GPAA1: variants seen among roughly 807,000 people sequenced by gnomAD.
GPAA1 encodes GPI-anchor transamidase component GPAA1.
GPAA1 carries 54 observed loss-of-function variants against 64.0 expected under a neutral mutation model. The observed-to-expected ratio is 0.84, with a 90% CI of 0.68 to 1.06. The LOEUF (loss-of-function observed/expected upper bound fraction) is 1.06, where lower values mean the gene tolerates loss of function less well. Among genes scored for constraint, GPAA1 ranks in the 50% least tolerant of loss-of-function variants. The probability of loss-of-function intolerance (pLI) is 0.00; values close to 1 mark genes in which losing one functional copy is unlikely to be tolerated. For synonymous variants in GPAA1, 393 were observed against 377.3 expected (o/e 1.04, Z -0.48); for missense variants, 780 against 822.3 (o/e 0.95, Z 0.63).
At position 144,085,307 on chromosome 8, in the gene GPAA1, C is replaced by T. The variant is rs1835978667; in HGVS notation, c.1279C>T (p.Leu427Phe). ...PPSQGVGLAS[L>F]VAPLLISQAM... ...CCTGCAGGGTGTGGGGCTGGCCTCG[C>T]TCGTGGCACCTCTGCTGATCTCACA... The change falls in exon 10 of 12, where the codon CTC becomes TTC. Residue 427 changes from leucine (L) to phenylalanine (F), a missense_variant. Transcript: ENST00000355091. 3 of 1,605,974 alleles carry T rather than the reference C, an allele frequency of 1.9e-6. No individual in the cohort carries two copies. The highest frequency in any genetic ancestry group is 8.5e-7 in the Non-Finnish European group (1 of 1,176,210).
chr8:144,086,184 G>A lies in GPAA1; in HGVS notation c.*59G>A. The A allele has an allele frequency of 6.4e-7, 1 of 1,559,872 alleles. No individual in the cohort carries two copies. The stretch of plus-strand genomic sequence containing the variant: ...CAAGGACCCCATTCTGCCTCCTTCT[G>A]GGGAAATAAATGAGTGTCTGTTTCA... On this transcript the variant is annotated 3_prime_UTR_variant, in exon 12 of 12. Transcript: ENST00000355091.
In GPAA1 at chr8:144,082,808, A is replaced by G. The variant is rs1205598581; in HGVS notation, c.74+4A>G. 10 of 1,448,892 alleles carry G rather than the reference A, an allele frequency of 6.9e-6. No individual in the cohort carries two copies. The highest frequency in any genetic ancestry group is 9.0e-6 in the Non-Finnish European group (10 of 1,107,382). The allele number at this position is 1,448,892 out of a possible 1,614,324, so 89.8% of individuals were successfully genotyped here. On this transcript the variant is annotated splice_donor_region_variant and intron_variant, in intron 1 of 11. Coordinates refer to ENST00000355091, the MANE Select transcript of GPAA1 (RefSeq NM_003801.4). ...TGCGCCTCAACGCGCCGTTGTGGTG[A>G]GGACAGGGCCCGGGGAGGCGGGGAC... is the stretch of plus-strand genomic sequence containing the variant.
In GPAA1 at chr8:144,084,048, C is replaced by A. The variant is rs1459579536; in HGVS notation, c.616+8C>A. 6.2e-7 allele frequency: 1 copy of A among 1,609,630 alleles called. No individual in the cohort carries two copies. The highest frequency in any genetic ancestry group is 1.7e-5 in the Admixed American group (1 of 60,002). Reference sequence around the variant, plus strand: ...ACGATGTCAATGTCACTGGTAGGTTCTCTTGTCCTGCCTGCCCTGGTCCCC... The same window carrying A: ...ACGATGTCAATGTCACTGGTAGGTTATCTTGTCCTGCCTGCCCTGGTCCCC... On this transcript the variant is annotated splice_region_variant and intron_variant, in intron 5 of 11. Transcript: ENST00000355091.
At chr8:144,085,188 G>A (rs1554764172) in intron 9 of GPAA1, 50 bp downstream of exon 9, 2 of 1,454,484 alleles carry the variant, frequency 1.4e-6, no homozygotes, top group African/African-American at 1.4e-5. Context: ...GGTCTGACTG[G>A]TGTTTAGTGT....
intron 1 of GPAA1, 31 bp downstream of exon 1, chr8:144,082,835 C>A: frequency 7.3e-7 from 1 of 1,368,700 alleles, no homozygotes; most frequent in South Asian, 1.7e-5. Flanking sequence ...GGCGGGGACC[C>A]GAGGGCCCTG....
Position 144,085,049 on chromosome 8 carries a change from G to A in GPAA1, c.1171G>A (p.Glu391Lys), listed in dbSNP as rs1313659644. The A allele has an allele frequency of 2.5e-6, 4 of 1,609,174 alleles. No individual in the cohort carries two copies. The highest frequency in any genetic ancestry group is 2.5e-6 in the Non-Finnish European group (3 of 1,177,740). ...GGGTCCTTGATTGGGCTACGCTCTGGAACTGTGGATGCAGCTGCATGAGGC... is the reference window on the plus strand; with the variant it reads ...GGGTCCTTGATTGGGCTACGCTCTGAAACTGTGGATGCAGCTGCATGAGGC... ...LLLVLGLKAL[E>K]LWMQLHEAGM... Residue 391 changes from glutamate to lysine, a missense_variant, in exon 9 of 12, where the codon GAA becomes AAA. By Grantham distance (56) the Glu-to-Lys change is moderately conservative. Coordinates refer to ENST00000355091, the MANE Select transcript of GPAA1 (RefSeq NM_003801.4).
In GPAA1 at chr8:144,085,682, G is replaced by A; in HGVS notation, c.1561G>A (p.Gly521Ser). The A allele has an allele frequency of 1.9e-6, 3 of 1,613,720 alleles. No individual in the cohort carries two copies. Among genetic ancestry groups the A allele is most frequent in the Middle Eastern group, 1.6e-4 (1 of 6,062 alleles). ...GCIALTNFSL[G>S]FLLATTMVPT... ...CATCGCCCTCACCAACTTCTCACTG[G>A]GCTTCCTGCTGGCCACCACCATGGT... The change falls in exon 11 of 12, where the codon GGC becomes AGC. Residue 521 changes from glycine (G) to serine (S), a missense_variant. Transcript: ENST00000355091.
intron 6 of GPAA1, 35 bp downstream of exon 6, chr8:144,084,365 A>C: frequency 6.2e-7 from 1 of 1,611,456 alleles, no homozygotes; most frequent in Non-Finnish European, 8.5e-7. Flanking sequence ...GCTGAAGGGC[A>C]CAGGGTCTGT....
intron 11 of GPAA1, 34 bp from the exon 12 acceptor site, chr8:144,085,848 A>C (rs1449863140): frequency 6.2e-7 from 1 of 1,601,022 alleles, no homozygotes; most frequent in African/African-American, 1.3e-5. Flanking sequence ...TGCCCCCACC[A>C]TGGAGCCTAC....
In GPAA1 at chr8:144,082,712, C is replaced by A; in HGVS notation, c.-19C>A. 6.9e-7 allele frequency: 1 copy of A among 1,446,334 alleles called. No homozygotes were observed. Among genetic ancestry groups the A allele is most frequent in the South Asian group, 1.4e-5 (1 of 72,894 alleles). 89.6% of individuals were successfully genotyped at this position (1,446,334 alleles called of 1,614,324 possible). ...TTGGAGGCGGGAGAGGGTCCGTAGC[C>A]GCGCCGCCCTGCCCCGCCATGGGCC... On this transcript the variant is annotated 5_prime_UTR_variant, in exon 1 of 12. Transcript: ENST00000355091.
In GPAA1 at chr8:144,084,249, G is replaced by T. The variant is rs1554764005; in HGVS notation, c.732G>T (p.Gly244=). The change falls in exon 6 of 12, where the codon GGG becomes GGT. Residue 244 remains glycine (G), a synonymous_variant. Coordinates refer to ENST00000355091, the MANE Select transcript of GPAA1 (RefSeq NM_003801.4). ...SLDVAVEGLN[G]QLPNLDLLNL... is the part of the protein sequence containing the mutation. ...ATGTGGCCGTGGAGGGGCTTAACGG[G>T]CAGCTGCCCAACCTTGACCTGCTCA... The T allele has an allele frequency of 6.2e-7, 1 of 1,613,808 alleles. No individual in the cohort carries two copies. Among genetic ancestry groups the T allele is most frequent in the Admixed American group, 1.7e-5 (1 of 60,028 alleles).
chr8:144,084,024 C>T lies in GPAA1; in HGVS notation c.600C>T (p.His200=), dbSNP rs782699763. 2.7e-5 allele frequency: 43 copies of T among 1,612,516 alleles called. No homozygotes were observed. Among genetic ancestry groups the T allele is most frequent in the Middle Eastern group, 1.6e-4 (1 of 6,082 alleles). The change falls in exon 5 of 12, where the codon CAC becomes CAT. Residue 200 remains histidine, a synonymous_variant. Transcript: ENST00000355091. The stretch of plus-strand genomic sequence containing the variant: ...CTGAGGCTTGGCTTGAAGCCTACCA[C>T]GATGTCAATGTCACTGGTAGGTTCT... ...LGTEAWLEAY[H]DVNVTGMQSS...
At position 144,085,570 on chromosome 8, in the gene GPAA1, C is replaced by T. The variant is rs1413489917; in HGVS notation, c.1452-3C>T. 1.9e-6 allele frequency: 3 copies of T among 1,612,898 alleles called. No homozygotes were observed. The highest frequency in any genetic ancestry group is 2.2e-5 in the East Asian group (1 of 44,876). On this transcript the variant is annotated splice_polypyrimidine_tract_variant and splice_region_variant and intron_variant, in intron 10 of 11. Coordinates refer to ENST00000355091, the MANE Select transcript of GPAA1 (RefSeq NM_003801.4). ...GGTTGCCTCTGAGTCCTTTGTCTTACAGGGTGGTAAGCACACAGGCCCCAG... is the reference window on the plus strand; with the variant it reads ...GGTTGCCTCTGAGTCCTTTGTCTTATAGGGTGGTAAGCACACAGGCCCCAG...
chr8:144,085,477 C>T lies in GPAA1; in HGVS notation c.1449C>T (p.His483=). The change falls in exon 10 of 12, where the codon CAC becomes CAT. Residue 483 remains histidine (H), a splice_region_variant and synonymous_variant. Coordinates refer to ENST00000355091, the MANE Select transcript of GPAA1 (RefSeq NM_003801.4). The stretch of plus-strand genomic sequence containing the variant: ...GCCTGGCCCTGCCCCACAATACCCA[C>T]CGGTAAGAGGCTGGGCTGGTTGTTG... The part of the protein sequence containing the change: ...AAGLALPHNT[H]RVVSTQAPDR... 6.2e-7 allele frequency: 1 copy of T among 1,604,070 alleles called. No individual in the cohort carries two copies. The highest frequency in any genetic ancestry group is 8.5e-7 in the Non-Finnish European group (1 of 1,179,534).
In GPAA1 at chr8:144,084,479, G is replaced by A. The variant is rs1368999801; in HGVS notation, c.880G>A (p.Val294Ile). 7 of 1,613,352 alleles carry A rather than the reference G, an allele frequency of 4.3e-6. No homozygotes were observed. Among genetic ancestry groups the A allele is most frequent in the Non-Finnish European group, 5.9e-6 (7 of 1,179,984 alleles). ...GGGCCTGCAGACACTGCTGCTCATG[G>A]TTCTGCGGCAGGCCTCCGGCCGCCC... ...LQGLQTLLLMVLRQASGRPHG... is the reference protein window; with the variant it reads ...LQGLQTLLLMILRQASGRPHG... The change falls in exon 7 of 12, where the codon GTT (valine) becomes ATT (isoleucine). Residue 294 changes from valine to isoleucine, a missense_variant. Transcript: ENST00000355091.
chr8:144,082,656 C>A lies in GPAA1; in HGVS notation c.-75C>A. ...GGCGAGCGCGGGTCCCCGGGTCTGA[C>A]AGGAGCAGCCTGTGGGCACCGCGGC... On this transcript the variant is annotated 5_prime_UTR_variant, in exon 1 of 12. Transcript: ENST00000355091. 4.7e-6 allele frequency: 5 copies of A among 1,073,378 alleles called. No individual in the cohort carries two copies. The highest frequency in any genetic ancestry group is 6.2e-6 in the Non-Finnish European group (5 of 807,408). 66.5% of individuals were successfully genotyped at this position (1,073,378 alleles called of 1,614,324 possible). A position where few individuals can be genotyped will look rare whatever the true frequency, so the allele number is the denominator to read the frequency against.
rs2129948399 is a variant in GPAA1 at position 144,085,635 on chromosome 8, A to G, written c.1514A>G (p.Tyr505Cys). 4 of 1,613,774 alleles carry G rather than the reference A, an allele frequency of 2.5e-6. No individual in the cohort carries two copies. Among genetic ancestry groups the G allele is most frequent in the Non-Finnish European group, 3.4e-6 (4 of 1,179,914 alleles). Residue 505 changes from tyrosine to cysteine, a missense_variant, in exon 11 of 12, where the codon TAC becomes TGC. Transcript: ENST00000355091. ...WMALKLVALI[Y>C]LALQLGCIAL... is the part of the protein sequence containing the mutation. ...GCACTGAAGCTGGTAGCCCTGATCT[A>G]CCTAGCACTGCAGCTGGGCTGCATC...
rs112703109 is a variant in GPAA1, at chr8:144,084,422, G to A, written c.823G>A (p.Glu275Lys). Residue 275 changes from glutamate to lysine, a missense_variant, in exon 7 of 12, where the codon GAG becomes AAG. Physicochemically the swap from Glu to Lys is moderately conservative, Grantham distance 56 (BLOSUM62 1). Coordinates refer to ENST00000355091, the MANE Select transcript of GPAA1 (RefSeq NM_003801.4). The stretch of plus-strand genomic sequence containing the variant: ...TCCTGCACCTCTAAAGCTGCAGCCC[G>A]AGGACTGGACATCATTGGATGGACC... ...LCTLQGKLQP[E>K]DWTSLDGPLQ... is the part of the protein sequence containing the mutation. The A allele has an allele frequency of 1.2e-5, 19 of 1,611,480 alleles. No homozygotes were observed. The African/African-American group carries it at 1.7e-4, about 15-fold the overall frequency.
At position 144,082,641 on chromosome 8, in the gene GPAA1, G is replaced by A. The variant is rs868934209; in HGVS notation, c.-90G>A. 15 of 922,272 alleles carry A rather than the reference G, an allele frequency of 1.6e-5. No individual in the cohort carries two copies. Among genetic ancestry groups the A allele is most frequent in the African/African-American group, 7.1e-5 (4 of 56,726 alleles). 57.1% of individuals were successfully genotyped at this position (922,272 alleles called of 1,614,324 possible). The stretch of plus-strand genomic sequence containing the variant: ...GGGACCGGAAGTGCGGGCGAGCGCG[G>A]GTCCCCGGGTCTGACAGGAGCAGCC... On this transcript the variant is annotated 5_prime_UTR_variant, in exon 1 of 12. Transcript: ENST00000355091.
Sources: gnomAD v4.1 joint callset for allele counts on GRCh38, gnomAD v4.1.1 for gene constraint, MANE v1.5 for transcripts, NCBI Gene and HGNC (gene_info 2026-07-23, HGNC 2026-07-21) for gene names.